PCDHAC1: variants seen among roughly 807,000 people sequenced by gnomAD.
PCDHAC1 encodes protocadherin alpha subfamily C, 1, also known as protocadherin alpha-C1.
PCDHAC1 carries 42 observed loss-of-function variants against 60.0 expected under a neutral mutation model. That is an observed-to-expected ratio of 0.70 (90% CI 0.55 to 0.90). The LOEUF is 0.90. Among genes scored for constraint, PCDHAC1 ranks in the 40% least tolerant of loss-of-function variants. PCDHAC1 has a pLI of 0.00. For missense variants in PCDHAC1, 1,160 were observed against 1,222.3 expected, an observed-to-expected ratio of 0.95 and a Z score of 0.76; for synonymous variants, 468 against 499.3, an observed-to-expected ratio of 0.94 and a Z score of 0.84.
intron 1 of PCDHAC1, among the ~76,000 whole-genome samples, chr5:140,941,777 T>C (rs903102270): frequency 6.6e-6 from 1 of 152,262 alleles, no homozygotes; most frequent in Admixed American, 6.5e-5. Context: ...ATTGTTTTAA[T>C]GTTTTACCCA....
In PCDHAC1 at chr5:140,990,740, G is replaced by C. The variant is rs76434886; in HGVS notation, c.2581+8177G>C. Among the ~76,000 whole-genome samples the C allele has an allele frequency of 8.5e-3, 1,294 of 152,288 alleles. 21 individuals carry two copies. Among genetic ancestry groups the C allele is most frequent in the African/African-American group, 0.029 (1,222 of 41,552 alleles). ...ATCACTAGGTATATCAACAGCCCTA[G>C]GGTGGATACCTTTGAGCCTGTAAAT... On this transcript the variant is annotated intron_variant, in intron 3 of 3. Coordinates refer to ENST00000253807, the MANE Select transcript of PCDHAC1 (RefSeq NM_018898.5).
At chr5:140,962,174 C>T (rs1365738124) in intron 1 of PCDHAC1, among the ~76,000 whole-genome samples, 1 of 152,100 alleles carries the variant, frequency 6.6e-6, no homozygotes, top group Admixed American at 6.6e-5. Context: ...CACACCCGGC[C>T]ACTTATATCA....
chr5:140,959,696 G>A (rs1344206142), intron 1 of PCDHAC1, among the ~76,000 whole-genome samples: 1 of 152,098 alleles, frequency 6.6e-6, no homozygotes, highest in Non-Finnish European at 1.5e-5. Flanking sequence ...AATAAAATGA[G>A]CTTTGAAAGG....
At chr5:140,937,981 T>TA (rs1554211927) in intron 1 of PCDHAC1, among the ~76,000 whole-genome samples, 2 of 152,254 alleles carry the variant, frequency 1.3e-5, no homozygotes, top group Non-Finnish European at 2.9e-5. Flanking sequence ...ATACTGATTT[T>TA]ATGTTAACTT....
chr5:141,008,579 T>C (rs1554261820), intron 3 of PCDHAC1, among the ~76,000 whole-genome samples: 1 of 152,232 alleles, frequency 6.6e-6, no homozygotes, highest in African/African-American at 2.4e-5. Flanking sequence ...TTCCCAAGAC[T>C]CAGGGCAGAT....
chr5:140,975,201 A>G (rs1253516142), intron 1 of PCDHAC1, among the ~76,000 whole-genome samples: 1 of 152,144 alleles, frequency 6.6e-6, no homozygotes, highest in Non-Finnish European at 1.5e-5. Context: ...CTCCATCTTC[A>G]TGGCTGGCAC....
At chr5:140,965,281 G>A (rs574183012) in intron 1 of PCDHAC1, among the ~76,000 whole-genome samples, 1 of 152,310 alleles carries the variant, frequency 6.6e-6, no homozygotes, top group African/African-American at 2.4e-5. Flanking sequence ...GACACAGCAT[G>A]GAAAGATTTC....
At chr5:141,009,279 A>T (rs2098404369) in intron 3 of PCDHAC1, among the ~76,000 whole-genome samples, 1 of 152,124 alleles carries the variant, frequency 6.6e-6, no homozygotes, top group Non-Finnish European at 1.5e-5. Flanking sequence ...ACATAGTGAG[A>T]TCCCATTTCT....
chr5:140,948,426 G>A (rs1301925814), intron 1 of PCDHAC1, among the ~76,000 whole-genome samples: 1 of 151,446 alleles, frequency 6.6e-6, no homozygotes, highest in African/African-American at 2.4e-5. Flanking sequence ...TCTTCCTTCA[G>A]TGAAACATTC....
In PCDHAC1 at chr5:140,986,314, A is replaced by G. The variant is rs551389701; in HGVS notation, c.2581+3751A>G. On this transcript the variant is annotated intron_variant, in intron 3 of 3. Transcript: ENST00000253807. ...TGAGCAGAGAGAGAAAATTAGCTAA[A>G]TCAGGAATGCAGGGAATACAGTTGC... 9.4e-4 allele frequency among the ~76,000 whole-genome samples: 143 copies of G among 152,196 alleles called. 1 individual carries two copies. The highest frequency in any genetic ancestry group is 1.6e-3 in the Non-Finnish European group (110 of 68,030).
At chr5:140,974,910 C>T (rs1054560750) in intron 1 of PCDHAC1, among the ~76,000 whole-genome samples, 1 of 152,114 alleles carries the variant, frequency 6.6e-6, no homozygotes, top group Admixed American at 6.5e-5. Flanking sequence ...AACAAATTAC[C>T]ACAAGTAAGT....
At chr5:140,969,145 C>T (rs782791096) in intron 1 of PCDHAC1, 1 of 1,614,168 alleles carries the variant, frequency 6.2e-7, no homozygotes, top group South Asian at 1.1e-5. Context: ...CCTACTGCTA[C>T]AAGGCCTGTC....
intron 1 of PCDHAC1, chr5:140,968,792 A>G (rs200477554): frequency 2.5e-6 from 4 of 1,614,186 alleles, no homozygotes; most frequent in Admixed American, 3.3e-5. Flanking sequence ...CTCTGTGGCC[A>G]TTACAGTAGC....
At chr5:140,969,761 T>C (rs886878870) in intron 1 of PCDHAC1, among the ~76,000 whole-genome samples, 1 of 152,234 alleles carries the variant, frequency 6.6e-6, no homozygotes, top group African/African-American at 2.4e-5. Flanking sequence ...TAAAAAGCTC[T>C]GAGGCCTCTA....
At chr5:140,969,069 T>C in intron 1 of PCDHAC1, 1 of 1,614,160 alleles carries the variant, frequency 6.2e-7, no homozygotes, top group Non-Finnish European at 8.5e-7. Context: ...GATGCCAGGA[T>C]ACCGCATGGC....
intron 1 of PCDHAC1, among the ~76,000 whole-genome samples, chr5:140,978,203 C>T (rs1231262283): frequency 6.6e-6 from 1 of 152,178 alleles, no homozygotes; most frequent in East Asian, 1.9e-4. Context: ...CAATACACAA[C>T]TAATGCAAAA....
chr5:140,930,098 A>G (rs1345846320), intron 1 of PCDHAC1: 1 of 152,124 alleles, frequency 6.6e-6, no homozygotes, highest in Non-Finnish European at 1.5e-5. Flanking sequence ...ATTTATACTG[A>G]TAGGAGATCA....
At position 140,928,280 on chromosome 5, in the gene PCDHAC1, C is replaced by A; in HGVS notation, c.1388C>A (p.Ser463Tyr). 1 of 1,614,194 alleles carries A rather than the reference C, an allele frequency of 6.2e-7. No individual in the cohort carries two copies. Among genetic ancestry groups the A allele is most frequent in the Non-Finnish European group, 8.5e-7 (1 of 1,180,042 alleles). The stretch of plus-strand genomic sequence containing the variant: ...GCTGAAAACAATGGCCCTGGGGCCT[C>A]TCTAGGCCGAGTGTTTGCCCAGGAC... ...FVAENNGPGASLGRVFAQDPD... is the reference protein window; with the variant it reads ...FVAENNGPGAYLGRVFAQDPD... The change falls in exon 1 of 4, where the codon TCT (serine) becomes TAT (tyrosine). Residue 463 changes from serine to tyrosine, a missense_variant. By Grantham distance (144) the Ser-to-Tyr change is moderately radical (BLOSUM62 -2). Around this residue, in one of 3 missense-constraint regions of PCDHAC1, gnomAD observed 1,113 missense variants for 1,163.7 expected, o/e 0.96. Coordinates refer to ENST00000253807, the MANE Select transcript of PCDHAC1 (RefSeq NM_018898.5).
chr5:140,934,209 C>G (rs1554209791), intron 1 of PCDHAC1, among the ~76,000 whole-genome samples: 1 of 152,068 alleles, frequency 6.6e-6, no homozygotes, highest in Non-Finnish European at 1.5e-5. Context: ...TTTCCTCACA[C>G]AAAATGTTTA....
Sources: allele counts gnomAD v4.1 joint callset (sites outside exome capture counted in the v4.1 genomes callset), GRCh38; gene constraint gnomAD v4.1.1; regional missense constraint gnomAD v4.1.1; transcripts MANE v1.5; gene names NCBI Gene and HGNC (gene_info 2026-07-23, HGNC 2026-07-21).